The following SBF2 variants were observed in gnomAD, a reference collection of about 807,000 sequenced individuals.
SBF2 encodes myotubularin-related protein 13.
SBF2 carries 112 observed loss-of-function variants against 225.2 expected under a neutral mutation model. The observed-to-expected ratio is 0.50, with a 90% CI of 0.43 to 0.58. The LOEUF is 0.58. Ranked by LOEUF, SBF2 falls within the 20% of genes least tolerant of loss-of-function variation. The pLI is 0.00. For missense variants in SBF2, 1,996 were observed against 2,206.2 expected, an observed-to-expected ratio of 0.90 and a Z score of 1.91; for synonymous variants, 763 against 773.3, an observed-to-expected ratio of 0.99 and a Z score of 0.22.
chr11:9,780,526 C>G lies in SBF2; in HGVS notation c.5452-10G>C. 1.2e-6 allele frequency: 2 copies of G among 1,612,442 alleles called. No homozygotes were observed. ...GTTTGCTGGTCTTGAGCTACAAAAC[C>G]AAATGACAGTGAACCAGAGATGAAG... On this transcript the variant is annotated splice_polypyrimidine_tract_variant and intron_variant, in intron 39 of 39. Coordinates refer to ENST00000256190, the MANE Select transcript of SBF2 (RefSeq NM_030962.4).
At chr11:10,253,596 C>G (rs1049982794) in intron 1 of SBF2, among the ~76,000 whole-genome samples, 7 of 152,098 alleles carry the variant, frequency 4.6e-5, no homozygotes, top group African/African-American at 1.7e-4. Flanking sequence ...TTTGGGAAGT[C>G]TGCATTACTT....
chr11:9,896,592 G>C (rs1258422991), intron 16 of SBF2, among the ~76,000 whole-genome samples: 1 of 152,136 alleles, frequency 6.6e-6, no homozygotes, highest in African/African-American at 2.4e-5. Context: ...AGGAGTTCGA[G>C]ACCAGCCTGG....
chr11:9,931,229 C>T (rs1017486355), intron 16 of SBF2, among the ~76,000 whole-genome samples: 2 of 152,272 alleles, frequency 1.3e-5, no homozygotes, highest in African/African-American at 2.4e-5. Context: ...AAGTCCCTGT[C>T]TGACAGCTCT....
chr11:9,825,065 G>C (rs1590164619), intron 28 of SBF2, among the ~76,000 whole-genome samples: 1 of 152,204 alleles, frequency 6.6e-6, no homozygotes, highest in East Asian at 1.9e-4. Context: ...GCTGTAATGG[G>C]TTGAAATGTG....
intron 25 of SBF2, among the ~76,000 whole-genome samples, 198 bp from the exon 26 acceptor site, chr11:9,839,894 G>A (rs561249621): frequency 6.6e-6 from 1 of 152,158 alleles, no homozygotes; most frequent in Non-Finnish European, 1.5e-5. Context: ...AAACTGGGAT[G>A]GTAGAGACAG....
intron 16 of SBF2, among the ~76,000 whole-genome samples, chr11:9,908,356 T>G (rs1862273447): frequency 1.3e-5 from 2 of 152,240 alleles, no homozygotes; most frequent in African/African-American, 4.8e-5. Flanking sequence ...CTTGGTGCGG[T>G]GGCTCACGCC....
At chr11:10,120,440 C>T (rs1443982595) in intron 2 of SBF2, among the ~76,000 whole-genome samples, 1 of 151,986 alleles carries the variant, frequency 6.6e-6, no homozygotes, top group Admixed American at 6.6e-5. Context: ...GGAAGTACAC[C>T]CAAAAGTGGA....
intron 1 of SBF2, among the ~76,000 whole-genome samples, chr11:10,256,878 C>T (rs1318995717): frequency 6.6e-6 from 1 of 152,124 alleles, no homozygotes; most frequent in East Asian, 1.9e-4. Flanking sequence ...CATATTTATC[C>T]TATAACGAAG....
intron 14 of SBF2, among the ~76,000 whole-genome samples, chr11:9,967,971 C>CTCTCTCTCTCTCTCTCTCTA (rs1260685462): frequency 2.2e-5 from 2 of 91,508 alleles, no homozygotes; most frequent in African/African-American, 3.8e-5. Flanking sequence ...CTCTCTCTCT[C>CTCTCTCTCTCTCTCTCTCTA]TATATATATA....
intron 21 of SBF2, among the ~76,000 whole-genome samples, 158 bp downstream of exon 21, chr11:9,852,518 T>C (rs935444841): frequency 1.3e-5 from 2 of 152,176 alleles, no homozygotes; most frequent in Admixed American, 6.6e-5. Context: ...TTTTATAAGG[T>C]TCTATATGAC....
intron 1 of SBF2, among the ~76,000 whole-genome samples, chr11:10,194,449 T>C (rs1167639865): frequency 6.6e-6 from 1 of 152,206 alleles, no homozygotes. Context: ...GTGAGGGTTC[T>C]GGAACAAATC....
At chr11:10,099,890 A>G (rs561556586) in intron 2 of SBF2, among the ~76,000 whole-genome samples, 133 of 152,272 alleles carry the variant, frequency 8.7e-4, no homozygotes, top group African/African-American at 3.1e-3. Flanking sequence ...ATGCCACTAT[A>G]AAAAAATAAA....
At position 10,002,636 on chromosome 11, in the gene SBF2, G is replaced by C; in HGVS notation, c.673C>G (p.Leu225Val). 1 of 1,612,840 alleles carries C rather than the reference G, an allele frequency of 6.2e-7. No individual in the cohort carries two copies. Among genetic ancestry groups the C allele is most frequent in the East Asian group, 2.2e-5 (1 of 44,802 alleles). ...CTCTGGAAACTTGCAGAATGGAAGA[G>C]AACCTTATTTTCTGTGAGGACTGCA... ...FCAVLTENKV[L>V]FHSASFQRLS... The change falls in exon 7 of 40, where the codon CTC becomes GTC. Residue 225 changes from leucine (L) to valine (V), a missense_variant. By Grantham distance (32) the Leu-to-Val change is conservative (BLOSUM62 1). Coordinates refer to ENST00000256190, the MANE Select transcript of SBF2 (RefSeq NM_030962.4).
chr11:9,849,475 G>C (rs997013477), intron 22 of SBF2, among the ~76,000 whole-genome samples: 1 of 152,090 alleles, frequency 6.6e-6, no homozygotes, highest in Non-Finnish European at 1.5e-5. Flanking sequence ...AATATAGAAG[G>C]CTGTACTGAA....
intron 13 of SBF2, among the ~76,000 whole-genome samples, chr11:9,971,119 A>C (rs72855687): frequency 1.3e-5 from 2 of 151,990 alleles, no homozygotes; most frequent in Admixed American, 6.6e-5. Flanking sequence ...GGTAATTCAT[A>C]TGGATCTTGA....
At position 9,850,254 on chromosome 11, in the gene SBF2, G is replaced by T. The variant is rs766709370; in HGVS notation, c.2611-36C>A. 7 of 1,590,332 alleles carry T rather than the reference G, an allele frequency of 4.4e-6. No homozygotes were observed. In the East Asian group the frequency reaches 1.6e-4, roughly 36 times the overall value. On this transcript the variant is annotated intron_variant, in intron 21 of 39. Transcript: ENST00000256190. ...AAAAAGATTGATTGATTGATTGATTGACTAATTGATTGATTTTTGGAGACA... is the reference window on the plus strand; with the variant it reads ...AAAAAGATTGATTGATTGATTGATTTACTAATTGATTGATTTTTGGAGACA...
At chr11:9,899,639 A>C (rs1861560480) in intron 16 of SBF2, among the ~76,000 whole-genome samples, 1 of 152,168 alleles carries the variant, frequency 6.6e-6, no homozygotes, top group Non-Finnish European at 1.5e-5. Context: ...TCCCAAGTAC[A>C]CTAAAAGGGA....
intron 2 of SBF2, among the ~76,000 whole-genome samples, chr11:10,162,184 CT>C (rs144690654): frequency 0.1 from 14,333 of 138,732 alleles, 907 homozygotes; most frequent in East Asian, 0.29. Flanking sequence ...CCTACCTTGT[CT>C]TTTTTTTTTT....
intron 2 of SBF2, among the ~76,000 whole-genome samples, chr11:10,174,774 A>C (rs1302482673): frequency 6.6e-6 from 1 of 152,186 alleles, no homozygotes; most frequent in East Asian, 1.9e-4. Context: ...AGGTCCGGTT[A>C]CCCACAAAGG....
Sources: gnomAD v4.1 joint callset for allele counts (sites outside exome capture counted in the v4.1 genomes callset) on GRCh38, gnomAD v4.1.1 for gene constraint, MANE v1.5 for transcripts, NCBI Gene and HGNC (gene_info 2026-07-23, HGNC 2026-07-21) for gene names.